The following NBAS variants were observed in gnomAD, a reference collection of about 807,000 sequenced individuals.
The protein encoded by NBAS is NBAS subunit of NRZ tethering complex, also known as NAG/BC035112 fusion.
NBAS carries 219 observed loss-of-function variants against 302.5 expected under a neutral mutation model. That is an observed-to-expected ratio of 0.72 (90% CI 0.65 to 0.81). NBAS has a LOEUF of 0.81. Ranked by LOEUF, NBAS falls within the 30% of genes least tolerant of loss-of-function variation. The pLI is 0.00. For synonymous variants in NBAS, 1,118 were observed against 1,021.6 expected (o/e 1.09, Z -1.80); for missense variants, 2,932 against 2,841.6 (o/e 1.03, Z -0.72).
chr2:15,402,259 T>A lies in NBAS; in HGVS notation c.2980A>T (p.Ile994Leu). ...IIPDQDQLMA[I>L]ALECIYTCER... is the part of the protein sequence containing the mutation. ...CAGGTATAGATGCACTCTAGTGCTA[T>A]TGCCATCAGTTGGTCCTGATCAGGA... The change falls in exon 26 of 52, where the codon ATA becomes TTA. Residue 994 changes from isoleucine (I) to leucine (L), a missense_variant. Physicochemically the swap from Ile to Leu is conservative, Grantham distance 5 (BLOSUM62 2). Coordinates refer to ENST00000281513, the MANE Select transcript of NBAS (RefSeq NM_015909.4). The A allele has an allele frequency of 1.2e-6, 2 of 1,613,618 alleles. No homozygotes were observed. The highest frequency in any genetic ancestry group is 1.7e-6 in the Non-Finnish European group (2 of 1,179,648).
At chr2:14,782,512 T>A in the NBAS span, among the ~76,000 whole-genome samples, 1 of 151,930 alleles carries the variant, frequency 6.6e-6, no homozygotes, top group Non-Finnish European at 1.5e-5. Context: ...TTGGTGGGAG[T>A]GCAAATTAGT....
chr2:14,788,593 C>A, the NBAS span, among the ~76,000 whole-genome samples: 19 of 152,176 alleles, frequency 1.2e-4, no homozygotes, highest in Non-Finnish European at 2.4e-4. Flanking sequence ...CCACTCCAGA[C>A]CCTGTTTGCC....
chr2:15,291,634 C>T (rs1332664853), intron 41 of NBAS, among the ~76,000 whole-genome samples: 1 of 152,208 alleles, frequency 6.6e-6, no homozygotes, highest in African/African-American at 2.4e-5. Flanking sequence ...AACAGGCCTG[C>T]TCTTCCCTTG....
chr2:14,937,036 C>A, the NBAS span, among the ~76,000 whole-genome samples: 23 of 152,124 alleles, frequency 1.5e-4, no homozygotes, highest in Non-Finnish European at 3.2e-4. Flanking sequence ...AAGAAGCTAC[C>A]AGCTCAAGAC....
the NBAS span, among the ~76,000 whole-genome samples, chr2:14,868,492 T>C: frequency 6.6e-6 from 1 of 152,204 alleles, no homozygotes; most frequent in African/African-American, 2.4e-5. Context: ...CTCATGTAAC[T>C]GGTACATGGT....
At chr2:15,198,372 G>T (rs1468736796) in intron 48 of NBAS, among the ~76,000 whole-genome samples, 1 of 152,184 alleles carries the variant, frequency 6.6e-6, no homozygotes, top group Non-Finnish European at 1.5e-5. Flanking sequence ...GCTATAAGAA[G>T]TGAGAAGTTA....
In NBAS at chr2:15,490,136, G is replaced by T. The variant is rs1444273720; in HGVS notation, c.955-1114C>A. 4.6e-5 allele frequency among the ~76,000 whole-genome samples: 7 copies of T among 152,192 alleles called. 1 individual carries two copies. In the South Asian group the frequency reaches 1.2e-3, roughly 27 times the overall value. ...AGCTATAGAACTGAAAATGAAACATGACTATACTGAAAATCAAAATTATTA... is the reference window on the plus strand; with the variant it reads ...AGCTATAGAACTGAAAATGAAACATTACTATACTGAAAATCAAAATTATTA... On this transcript the variant is annotated intron_variant, in intron 11 of 51. Coordinates refer to ENST00000281513, the MANE Select transcript of NBAS (RefSeq NM_015909.4).
At chr2:14,922,468 A>C in the NBAS span, among the ~76,000 whole-genome samples, 1 of 151,908 alleles carries the variant, frequency 6.6e-6, no homozygotes, top group African/African-American at 2.4e-5. Context: ...GGAGGTGGTG[A>C]GTTTGGTTCC....
chr2:15,381,695 C>T (rs2148378769), intron 29 of NBAS, among the ~76,000 whole-genome samples: 1 of 152,294 alleles, frequency 6.6e-6, no homozygotes, highest in East Asian at 1.9e-4. Context: ...AAATTATGTT[C>T]TAATGAAGTT....
chr2:15,237,758 G>A (rs1217099655), intron 45 of NBAS, among the ~76,000 whole-genome samples: 1 of 145,576 alleles, frequency 6.9e-6, no homozygotes, highest in Non-Finnish European at 1.5e-5. Context: ...CACCACACCC[G>A]GCTAATGTTT....
At chr2:15,121,569 A>C in the NBAS span, among the ~76,000 whole-genome samples, 1 of 152,220 alleles carries the variant, frequency 6.6e-6, no homozygotes, top group African/African-American at 2.4e-5. Flanking sequence ...AAAAAAAATT[A>C]CATCTTTATT....
the NBAS span, among the ~76,000 whole-genome samples, chr2:15,074,401 G>T: frequency 1.4e-5 from 2 of 143,398 alleles, no homozygotes; most frequent in African/African-American, 2.6e-5. Context: ...AAGGAGGGGG[G>T]GAGGGAAGGA....
At chr2:15,241,292 G>T (rs1367634134) in intron 44 of NBAS, among the ~76,000 whole-genome samples, 1 of 152,158 alleles carries the variant, frequency 6.6e-6, no homozygotes, top group Non-Finnish European at 1.5e-5. Flanking sequence ...CTAGCCTATT[G>T]TGTGATATGG....
At chr2:15,272,475 C>T (rs1669368332) in intron 44 of NBAS, among the ~76,000 whole-genome samples, 1 of 152,144 alleles carries the variant, frequency 6.6e-6, no homozygotes, top group South Asian at 2.1e-4. Context: ...TATACTCTCT[C>T]TCTCTCTATC....
the NBAS span, among the ~76,000 whole-genome samples, chr2:14,948,731 G>GA: frequency 0.61 from 91,965 of 151,116 alleles, 29,261 homozygotes; most frequent in African/African-American, 0.81. Flanking sequence ...CACAGAAATA[G>GA]AAAAAAAAAT....
In NBAS at chr2:15,285,099, T is replaced by A. The variant is rs149293560; in HGVS notation, c.5138+1974A>T. Among the ~76,000 whole-genome samples the A allele has an allele frequency of 5.9e-5, 9 of 152,348 alleles. No individual in the cohort carries two copies. The South Asian group carries it at 1.9e-3, about 32-fold the overall frequency. On this transcript the variant is annotated intron_variant, in intron 42 of 51. Coordinates refer to ENST00000281513, the MANE Select transcript of NBAS (RefSeq NM_015909.4). Reference sequence around the variant, plus strand: ...TTTTTAAATGCCAGTGTGTGTATCATAAGAAATATTTATTTGAACATATTA... The same window carrying A: ...TTTTTAAATGCCAGTGTGTGTATCAAAAGAAATATTTATTTGAACATATTA...
chr2:14,906,466 G>A, the NBAS span, among the ~76,000 whole-genome samples: 2 of 152,164 alleles, frequency 1.3e-5, no homozygotes, highest in African/African-American at 4.8e-5. Context: ...CTGAAGGCAC[G>A]GAAAGGCTGC....
the NBAS span, among the ~76,000 whole-genome samples, chr2:14,942,013 G>A: frequency 6.6e-6 from 1 of 152,150 alleles, no homozygotes; most frequent in Non-Finnish European, 1.5e-5. Context: ...ATTCCCAACT[G>A]CAAACCGTTG....
the NBAS span, among the ~76,000 whole-genome samples, chr2:15,013,617 T>G: frequency 2.6e-5 from 4 of 152,046 alleles, no homozygotes; most frequent in Admixed American, 2.6e-4. Flanking sequence ...ACCCTGTCTC[T>G]ACTAAAAAAT....
Sources: allele counts gnomAD v4.1 joint callset (sites outside exome capture counted in the v4.1 genomes callset), GRCh38; gene constraint gnomAD v4.1.1; transcripts MANE v1.5; gene names NCBI Gene and HGNC (gene_info 2026-07-23, HGNC 2026-07-21).